Variants in UBN1 observed in about 807,000 individuals in gnomAD.
UBN1 encodes the protein ubinuclein 1, also known as ubinuclein-1.
In UBN1, 17 loss-of-function variants were observed where a neutral mutation model predicts 108.5. The ratio of observed to expected loss-of-function variants is 0.16; its 90% CI spans 0.11 to 0.24. The LOEUF (loss-of-function observed/expected upper bound fraction) is 0.24, where lower values mean the gene tolerates loss of function less well. UBN1 is among the 10% of genes least tolerant of loss of function. The pLI is 1.00. For synonymous variants in UBN1, 726 were observed against 564.2 expected (o/e 1.29, Z -4.07); for missense variants, 1,595 against 1,394.4 (o/e 1.14, Z -2.29).
chr16:4,873,133 G>A (rs1047480600), intron 14 of UBN1, 60 bp downstream of exon 14: 7 of 1,606,972 alleles, frequency 4.4e-6, no homozygotes, highest in Non-Finnish European at 6.0e-6. Flanking sequence ...ACTATGCTCT[G>A]GAAACAGTCA....
In UBN1 at chr16:4,847,503, C is replaced by T; in HGVS notation, c.-747C>T. ...CCCGGCTCCTTCCCCCTCCCTTCGG[C>T]TCGTGACAACGAAGCGCCCGCGGTC... is the stretch of plus-strand genomic sequence containing the variant. On this transcript the variant is annotated 5_prime_UTR_variant, in exon 1 of 18. Transcript: ENST00000262376. 3.7e-6 allele frequency: 2 copies of T among 540,118 alleles called. No homozygotes were observed. Among genetic ancestry groups the T allele is most frequent in the Non-Finnish European group, 6.3e-6 (2 of 319,206 alleles). The allele number at this position is 540,118 out of a possible 1,614,324, so 33.5% of individuals were successfully genotyped here.
At position 4,881,099 on chromosome 16, in the gene UBN1, A is replaced by G. The variant is rs3185547; in HGVS notation, c.*967A>G. 8 of 152,420 alleles carry G rather than the reference A, an allele frequency of 5.2e-5. No individual in the cohort carries two copies. Among genetic ancestry groups the G allele is most frequent in the Admixed American group, 6.5e-5 (1 of 15,268 alleles). 9.4% of individuals were successfully genotyped at this position (152,420 alleles called of 1,614,324 possible). A position where few individuals can be genotyped will look rare whatever the true frequency, so the allele number is the denominator to read the frequency against. ...GCCAGGGCTCCCATTTTGTTTTTCCAGAGTTCGTGGAGGTGGACTGCAGAG... is the reference window on the plus strand; with the variant it reads ...GCCAGGGCTCCCATTTTGTTTTTCCGGAGTTCGTGGAGGTGGACTGCAGAG... On this transcript the variant is annotated 3_prime_UTR_variant, in exon 18 of 18. Transcript: ENST00000262376.
rs772641304 is a variant in UBN1 at position 4,858,076 on chromosome 16, C to T, written c.336C>T (p.Tyr112=). Residue 112 remains tyrosine, a splice_region_variant and synonymous_variant, in exon 3 of 18, where the codon TAC becomes TAT. Transcript: ENST00000262376. Reference sequence around the variant, plus strand: ...TTGCCCGAAAATTTGAAGAAAAATACGTAAGATTTCTCTCTTGAATAACAA... The same window carrying T: ...TTGCCCGAAAATTTGAAGAAAAATATGTAAGATTTCTCTCTTGAATAACAA... The part of the protein sequence containing the change: ...EALARKFEEK[Y]GGKKRRKDRI... 59 of 1,601,674 alleles carry T rather than the reference C, an allele frequency of 3.7e-5. No individual in the cohort carries two copies. Among genetic ancestry groups the T allele is most frequent in the South Asian group, 1.5e-4 (14 of 90,702 alleles).
intron 17 of UBN1, among the ~76,000 whole-genome samples, chr16:4,879,445 A>G (rs2088013124): frequency 6.6e-6 from 1 of 152,214 alleles, no homozygotes; most frequent in Non-Finnish European, 1.5e-5. Context: ...GTGAGACCTC[A>G]TCTCTAAAAA....
chr16:4,877,338 T>C lies in UBN1; in HGVS notation c.3266-47T>C. 1 of 1,585,574 alleles carries C rather than the reference T, an allele frequency of 6.3e-7. No individual in the cohort carries two copies. Among genetic ancestry groups the C allele is most frequent in the Non-Finnish European group, 8.6e-7 (1 of 1,163,150 alleles). ...CTGGAGCTGCTTTCCTGTTCCTGTC[T>C]TCAATGTGTGTGTTTTGTTCTTTTC... On this transcript the variant is annotated intron_variant, in intron 16 of 17. Coordinates refer to ENST00000262376, the MANE Select transcript of UBN1 (RefSeq NM_001079514.3). The surrounding 1 kb of genome is among the most constrained non-coding windows in gnomAD (Gnocchi z 4.3).
At chr16:4,868,217 T>C (rs545689840) in intron 7 of UBN1, among the ~76,000 whole-genome samples, 43 of 152,302 alleles carry the variant, frequency 2.8e-4, no homozygotes, top group Admixed American at 5.2e-4. Flanking sequence ...CCAGGGTGTG[T>C]GTTAACTGTG....
chr16:4,854,964 C>T lies in UBN1; in HGVS notation c.249+1798C>T, dbSNP rs568221244. Reference sequence around the variant, plus strand: ...GTCTCGATCTCCTGACCTCGTGATCCGCCCGTCTCTGCCTCCCAAAGTGCT... The same window carrying T: ...GTCTCGATCTCCTGACCTCGTGATCTGCCCGTCTCTGCCTCCCAAAGTGCT... On this transcript the variant is annotated intron_variant, in intron 2 of 17. Transcript: ENST00000262376. 3.9e-5 allele frequency among the ~76,000 whole-genome samples: 6 copies of T among 152,216 alleles called. No homozygotes were observed. The South Asian group carries it at 6.2e-4, about 16-fold the overall frequency.
At chr16:4,859,690 G>A (rs1290604435) in intron 5 of UBN1, among the ~76,000 whole-genome samples, 175 bp from the exon 6 acceptor site, 4 of 152,182 alleles carry the variant, frequency 2.6e-5, no homozygotes, top group African/African-American at 7.2e-5. Flanking sequence ...AGGAGACACC[G>A]TCGGTGGGAA....
chr16:4,859,044 C>T lies in UBN1; in HGVS notation c.452C>T (p.Ala151Val), dbSNP rs1460313273. Residue 151 changes from alanine to valine, a missense_variant, in exon 5 of 18, where the codon GCT becomes GTT. By Grantham distance (64) the Ala-to-Val change is moderately conservative. Around this residue, in one of 3 missense-constraint regions of UBN1, gnomAD observed 16 missense variants for 42.4 expected, o/e 0.38. Coordinates refer to ENST00000262376, the MANE Select transcript of UBN1 (RefSeq NM_001079514.3). Reference sequence around the variant, plus strand: ...CTTCAGTATGATGAGCTTGTTCCTGCTTCTTTGACTACGAAGTATGGAGGA... The same window carrying T: ...CTTCAGTATGATGAGCTTGTTCCTGTTTCTTTGACTACGAAGTATGGAGGA... ...NSEAYDELVP[A>V]SLTTKYGGFY... The T allele has an allele frequency of 1.9e-6, 3 of 1,613,814 alleles. No individual in the cohort carries two copies. The Admixed American group carries it at 5.0e-5, about 27-fold the overall frequency.
At chr16:4,859,385 C>T (rs2086954943) in intron 5 of UBN1, among the ~76,000 whole-genome samples, 1 of 152,196 alleles carries the variant, frequency 6.6e-6, no homozygotes, top group African/African-American at 2.4e-5. Flanking sequence ...TGTCACATGA[C>T]ATCCCAGCAG....
Position 4,860,930 on chromosome 16 carries a change from A to G in UBN1, c.938A>G (p.Asp313Gly). Residue 313 changes from aspartate (D) to glycine (G), a missense_variant, in exon 7 of 18, where the codon GAT becomes GGT. Around this residue, in one of 3 missense-constraint regions of UBN1, gnomAD observed 1,398 missense variants for 1,194.7 expected, o/e 1.17. Coordinates refer to ENST00000262376, the MANE Select transcript of UBN1 (RefSeq NM_001079514.3). ...GCCACTGCCATGGACTCGCTGACGG[A>G]TTTGGACTTGGAGCATCTGCTCAGT... The part of the protein sequence containing the change: ...QAATAMDSLT[D>G]LDLEHLLSES... The G allele has an allele frequency of 6.2e-7, 1 of 1,614,210 alleles. No homozygotes were observed. The highest frequency in any genetic ancestry group is 8.5e-7 in the Non-Finnish European group (1 of 1,180,038).
intron 1 of UBN1, among the ~76,000 whole-genome samples, chr16:4,850,933 G>A (rs141092773): frequency 2.6e-5 from 4 of 152,268 alleles, no homozygotes; most frequent in African/African-American, 9.6e-5. Context: ...ATAAACATGA[G>A]CTTTAACTTT....
Position 4,847,524 on chromosome 16 carries a change from C to T in UBN1, c.-726C>T. 2 of 487,446 alleles carry T rather than the reference C, an allele frequency of 4.1e-6. No homozygotes were observed. The highest frequency in any genetic ancestry group is 7.1e-6 in the Non-Finnish European group (2 of 280,158). The allele number at this position is 487,446 out of a possible 1,614,324, so 30.2% of individuals were successfully genotyped here. On this transcript the variant is annotated 5_prime_UTR_variant, in exon 1 of 18. Coordinates refer to ENST00000262376, the MANE Select transcript of UBN1 (RefSeq NM_001079514.3). The stretch of plus-strand genomic sequence containing the variant: ...TCGGCTCGTGACAACGAAGCGCCCG[C>T]GGTCTGAGGCGGCGGCGGCGGCGAC...
rs1229212479 is a variant in UBN1 at position 4,852,842 on chromosome 16, C to T, written c.-39-37C>T. The stretch of plus-strand genomic sequence containing the variant: ...TTAGGCAGGTAAACTATTTTATCAT[C>T]TTCGTTTGACCTGGCCCTTCTTTTC... On this transcript the variant is annotated intron_variant, in intron 1 of 17. Coordinates refer to ENST00000262376, the MANE Select transcript of UBN1 (RefSeq NM_001079514.3). 2.7e-6 allele frequency: 4 copies of T among 1,505,710 alleles called. No individual in the cohort carries two copies. In the African/African-American group the frequency reaches 4.2e-5, roughly 16 times the overall value. 93.3% of individuals were successfully genotyped at this position (1,505,710 alleles called of 1,614,324 possible).
Position 4,871,156 on chromosome 16 carries a change from G to A in UBN1, c.1561G>A (p.Glu521Lys), listed in dbSNP as rs571421012. 1 of 1,614,034 alleles carries A rather than the reference G, an allele frequency of 6.2e-7. No homozygotes were observed. Among genetic ancestry groups the A allele is most frequent in the Admixed American group, 1.7e-5 (1 of 59,972 alleles). The change falls in exon 12 of 18, where the codon GAG (glutamate) becomes AAG (lysine). Residue 521 changes from glutamate (E) to lysine (K), a missense_variant and splice_region_variant. Physicochemically the swap from Glu to Lys is moderately conservative, Grantham distance 56. Around this residue, in one of 3 missense-constraint regions of UBN1, gnomAD observed 1,398 missense variants for 1,194.7 expected, o/e 1.17. Coordinates refer to ENST00000262376, the MANE Select transcript of UBN1 (RefSeq NM_001079514.3). The stretch of plus-strand genomic sequence containing the variant: ...TTCTGATTTCTGCCTCCTTCTCAGG[G>A]AGCTACTGTGCCAGGTGGTGAAGAT... ...KKFQWNDEIR[E>K]LLCQVVKIKL... is the part of the protein sequence containing the mutation.
In UBN1 at chr16:4,874,926, G is replaced by A. The variant is rs369824373; in HGVS notation, c.2516G>A (p.Arg839His). 1.2e-5 allele frequency: 19 copies of A among 1,613,980 alleles called. No individual in the cohort carries two copies. Among genetic ancestry groups the A allele is most frequent in the Non-Finnish European group, 1.6e-5 (19 of 1,180,042 alleles). Residue 839 changes from arginine to histidine, a missense_variant, in exon 15 of 18, where the codon CGT (arginine) becomes CAT (histidine). Physicochemically the swap from Arg to His is conservative, Grantham distance 29. This residue lies in a region of UBN1 where 1,398 missense variants were observed against 1,194.7 expected (regional missense o/e 1.17). Transcript: ENST00000262376. ...AAGGCTTCTCCCACACAGTGTCATC[G>A]TTCCCTCCTGCAGTTAGTGAAGACA... ...GPKASPTQCH[R>H]SLLQLVKTAA...
chr16:4,870,066 C>T, intron 8 of UBN1, 146 bp from the exon 9 acceptor site: 1 of 1,188,994 alleles, frequency 8.4e-7, no homozygotes, highest in Non-Finnish European at 1.2e-6. Flanking sequence ...GGATGTGTTT[C>T]CTTGGGCATT....
chr16:4,856,446 A>G (rs1157306613), intron 2 of UBN1, among the ~76,000 whole-genome samples: 3 of 152,242 alleles, frequency 2.0e-5, no homozygotes, highest in Non-Finnish European at 4.4e-5. Context: ...CTAGACTCAG[A>G]GGACTATAGA....
intron 2 of UBN1, among the ~76,000 whole-genome samples, chr16:4,855,629 G>A (rs1009248677): frequency 2.9e-5 from 4 of 136,736 alleles, no homozygotes; most frequent in Admixed American, 2.2e-4. Flanking sequence ...AAAAAAAAAA[G>A]GCTGGAAGGC....
Sources: allele counts gnomAD v4.1 joint callset (sites outside exome capture counted in the v4.1 genomes callset), GRCh38; gene constraint gnomAD v4.1.1; regional missense constraint gnomAD v4.1.1; non-coding constraint Gnocchi (gnomAD v3.1); transcripts MANE v1.5; gene names NCBI Gene and HGNC (gene_info 2026-07-23, HGNC 2026-07-21).